UPK3BL2: variants seen among roughly 807,000 people sequenced by gnomAD.
UPK3BL2 encodes uroplakin 3B like 2, also known as uroplakin-3b-like protein 2.
Under a neutral mutation model 11.3 loss-of-function variants are expected in UPK3BL2, and 1 was observed. The observed-to-expected ratio is 0.09, with a 90% CI of 0.03 to 0.42. The LOEUF is 0.42. UPK3BL2 is among the 10% of genes least tolerant of loss of function. The pLI, the probability that UPK3BL2 is intolerant of heterozygous loss-of-function variation, is 0.98.
intron 1 of UPK3BL2, chr7:102,542,435 CTGGT>C (rs1800312512): frequency 1.0e-6 from 1 of 984,034 alleles, no homozygotes; most frequent in African/African-American, 1.7e-5. Flanking sequence ...TCCAGCCTTG[CTGGT>C]TGGAGAGCTC....
intron 3 of UPK3BL2, 75 bp from the exon 4 acceptor site, chr7:102,540,166 C>CTGA: frequency 3.2e-6 from 3 of 942,232 alleles, no homozygotes; most frequent in South Asian, 1.6e-5. Context: ...GCCTGCAAGT[C>CTGA]TGTCCCCTGG....
In UPK3BL2 at chr7:102,541,288, G is replaced by GT. The variant is rs2133370465; in HGVS notation, c.289dup (p.Thr97AsnfsTer45). 1 of 544,070 alleles carries GT rather than the reference G, an allele frequency of 1.8e-6. No homozygotes were observed. Among genetic ancestry groups the GT allele is most frequent in the East Asian group, 2.9e-5 (1 of 34,720 alleles). 33.7% of individuals were successfully genotyped at this position (544,070 alleles called of 1,614,324 possible). A position where few individuals can be genotyped will look rare whatever the true frequency, so the allele number is the denominator to read the frequency against. The stretch of plus-strand genomic sequence containing the variant: ...GATGTCCTGGTTTGTCCGTGGGGCC[G>GT]TGAAGCTCTGGGTGGCTAAGGGTGG... On this transcript the variant is annotated frameshift_variant, in exon 3 of 6. Coordinates refer to ENST00000644544, the Ensembl canonical transcript of UPK3BL2. LOFTEE classifies it high-confidence loss of function.
intron 3 of UPK3BL2, among the ~76,000 whole-genome samples, 165 bp downstream of exon 3, chr7:102,540,928 T>C (rs1800247193): frequency 8.3e-6 from 1 of 120,900 alleles, no homozygotes. Context: ...ATGTAATTCA[T>C]GAAGGCCTCC....
chr7:102,540,855 C>CAAAACAAAACAAAAAAAAAAAAA (rs1479651896), intron 3 of UPK3BL2, among the ~76,000 whole-genome samples: 3 of 61,266 alleles, frequency 4.9e-5, no homozygotes, highest in Non-Finnish European at 1.1e-4. Context: ...AAAAACAAAA[C>CAAAACAAAACAAAAAAAAAAAAA]AAAAAAAAAA....
At chr7:102,540,344 G>C (rs1800197783) in intron 3 of UPK3BL2, among the ~76,000 whole-genome samples, 1 of 81,606 alleles carries the variant, frequency 1.2e-5, no homozygotes, top group Non-Finnish European at 2.8e-5. Context: ...GCGAGTATTA[G>C]ATGTCTCAGA....
At chr7:102,540,902 AG>A (rs1267889488) in intron 3 of UPK3BL2, among the ~76,000 whole-genome samples, 190 bp downstream of exon 3, 106 of 118,402 alleles carry the variant, frequency 9.0e-4, no homozygotes, top group South Asian at 1.8e-3. Context: ...AAAAAAAAAG[AG>A]AAGAAGGATA....
At chr7:102,540,863 A>AAC (rs1165177783) in intron 3 of UPK3BL2, among the ~76,000 whole-genome samples, 23 of 131,014 alleles carry the variant, frequency 1.8e-4, no homozygotes, top group African/African-American at 6.8e-4. Context: ...AACAAAAAAA[A>AAC]AAAAAAAAAA....
chr7:102,540,861 A>AAAC (rs1563689691), intron 3 of UPK3BL2, among the ~76,000 whole-genome samples: 30 of 125,232 alleles, frequency 2.4e-4, no homozygotes, highest in African/African-American at 8.9e-4. Context: ...AAAACAAAAA[A>AAAC]AAAAAAAAAA....
At chr7:102,540,855 C>CAAAAAAAAAAAAAAAAAAAAAAA (rs1158192702) in intron 3 of UPK3BL2, among the ~76,000 whole-genome samples, 2 of 61,264 alleles carry the variant, frequency 3.3e-5, no homozygotes, top group African/African-American at 9.6e-5. Context: ...AAAAACAAAA[C>CAAAAAAAAAAAAAAAAAAAAAAA]AAAAAAAAAA....
intron 3 of UPK3BL2, among the ~76,000 whole-genome samples, chr7:102,540,855 CAAAAAAA>C (rs1158192702): frequency 2.0e-3 from 122 of 61,272 alleles, no homozygotes; most frequent in African/African-American, 5.0e-3. Flanking sequence ...AAAAACAAAA[CAAAAAAA>C]AAAAAAAAAA....
At chr7:102,538,206 G>C (rs1182153775), downstream of UPK3BL2, 1 of 156,478 alleles carries the variant, frequency 6.4e-6, no homozygotes, top group African/African-American at 2.6e-5. Context: ...CAGGAAAATC[G>C]CTTGAACCCG....
intron 3 of UPK3BL2, among the ~76,000 whole-genome samples, 182 bp downstream of exon 3, chr7:102,540,901 GAGAAGAAGGA>G (rs1800244996): frequency 1.6e-5 from 1 of 61,768 alleles, no homozygotes. Context: ...AAAAAAAAAA[GAGAAGAAGGA>G]TAATTCATGT....
chr7:102,540,874 A>AAAG (rs1563689746), intron 3 of UPK3BL2, among the ~76,000 whole-genome samples: 35 of 119,496 alleles, frequency 2.9e-4, no homozygotes, highest in South Asian at 9.3e-4. Context: ...AAAAAAAAAA[A>AAAG]AAGAAGAAAA....
At chr7:102,540,886 G>GAA (rs374079023) in intron 3 of UPK3BL2, among the ~76,000 whole-genome samples, 73 of 73,204 alleles carry the variant, frequency 1.0e-3, no homozygotes, top group Non-Finnish European at 1.4e-3. Context: ...AGAAGAAAAG[G>GAA]AAAAAAAAAA....
chr7:102,543,292 ATCTT>A (rs1172991915), intron 1 of UPK3BL2, among the ~76,000 whole-genome samples: 1 of 135,342 alleles, frequency 7.4e-6, no homozygotes, highest in Non-Finnish European at 1.6e-5. Flanking sequence ...AAAAACAAAA[ATCTT>A]AAAAAAAAAA....
intron 3 of UPK3BL2, among the ~76,000 whole-genome samples, chr7:102,540,862 A>AACAAAAC (rs1461397437): frequency 1.1e-4 from 14 of 125,930 alleles, no homozygotes; most frequent in African/African-American, 3.7e-4. Flanking sequence ...AAACAAAAAA[A>AACAAAAC]AAAAAAAAAA....
intron 3 of UPK3BL2, among the ~76,000 whole-genome samples, chr7:102,540,855 C>CAAAAAAAAAAAAACAA (rs1800227481): frequency 1.6e-5 from 1 of 61,266 alleles, no homozygotes; most frequent in East Asian, 4.0e-4. Context: ...AAAAACAAAA[C>CAAAAAAAAAAAAACAA]AAAAAAAAAA....
chr7:102,540,843 CAAAAAACAAAACAAAAAAAAAAAAA>C (rs1219293913), intron 3 of UPK3BL2, among the ~76,000 whole-genome samples: 2 of 55,428 alleles, frequency 3.6e-5, no homozygotes, highest in Non-Finnish European at 7.8e-5. Flanking sequence ...GACTCCATCT[CAAAAAACAAAACAAAAAAAAAAAAA>C]AAAAAAAAGA....
At chr7:102,540,860 A>C (rs139492457) in intron 3 of UPK3BL2, among the ~76,000 whole-genome samples, 1,315 of 60,978 alleles carry the variant, frequency 0.022, 9 homozygotes, top group East Asian at 0.037. Context: ...CAAAACAAAA[A>C]AAAAAAAAAA....
Sources: gnomAD v4.1 joint callset for allele counts (sites outside exome capture counted in the v4.1 genomes callset) on GRCh38, gnomAD v4.1.1 for gene constraint, MANE v1.5 for transcripts, NCBI Gene and HGNC (gene_info 2026-07-23, HGNC 2026-07-21) for gene names.